Variants in FNDC3B observed in about 807,000 individuals in gnomAD.
FNDC3B encodes the protein fibronectin type III domain containing 3B.
FNDC3B carries 12 observed loss-of-function variants against 151.5 expected under a neutral mutation model. The observed-to-expected ratio is 0.08, with a 90% CI of 0.05 to 0.13. The LOEUF is 0.13. FNDC3B is among the 10% of genes least tolerant of loss of function. The probability of loss-of-function intolerance (pLI) is 1.00; values close to 1 mark genes in which losing one functional copy is unlikely to be tolerated. For missense variants in FNDC3B, 1,214 were observed against 1,505.3 expected, an observed-to-expected ratio of 0.81 and a Z score of 3.20; for synonymous variants, 528 against 549.0, an observed-to-expected ratio of 0.96 and a Z score of 0.54.
At chr3:172,382,475 G>A (rs1053406005) in intron 25 of FNDC3B, among the ~76,000 whole-genome samples, 1 of 152,150 alleles carries the variant, frequency 6.6e-6, no homozygotes, top group Non-Finnish European at 1.5e-5. Flanking sequence ...AGTTTAATTA[G>A]ATCCCATTTG....
chr3:172,347,393 A>C (rs1316278270), intron 21 of FNDC3B, 32 bp downstream of exon 21: 2 of 1,571,852 alleles, frequency 1.3e-6, no homozygotes, highest in Non-Finnish European at 1.7e-6. Context: ...GTTACTCACA[A>C]GGACTGCTGT....
At chr3:172,236,764 G>C (rs1024213380) in intron 4 of FNDC3B, among the ~76,000 whole-genome samples, 2 of 152,198 alleles carry the variant, frequency 1.3e-5, no homozygotes, top group Non-Finnish European at 2.9e-5. Flanking sequence ...GGGGTCTCCA[G>C]TTCATAAGAT....
chr3:172,161,467 C>G (rs1289278355), intron 3 of FNDC3B, among the ~76,000 whole-genome samples: 1 of 152,168 alleles, frequency 6.6e-6, no homozygotes, highest in Non-Finnish European at 1.5e-5. Flanking sequence ...TGGATTCTGG[C>G]CCAGCCTCTG....
At chr3:172,064,222 C>T (rs988620244) in intron 1 of FNDC3B, among the ~76,000 whole-genome samples, 1 of 152,116 alleles carries the variant, frequency 6.6e-6, no homozygotes, top group Non-Finnish European at 1.5e-5. Flanking sequence ...CAAGAAGGCA[C>T]CATCTGTGAA....
intron 23 of FNDC3B, among the ~76,000 whole-genome samples, chr3:172,372,618 C>A (rs1199327975): frequency 6.6e-6 from 1 of 152,142 alleles, no homozygotes; most frequent in African/African-American, 2.4e-5. Context: ...TGTAACAGAA[C>A]ATCACAGATT....
At chr3:172,281,286 C>T (rs1729710833) in intron 6 of FNDC3B, among the ~76,000 whole-genome samples, 1 of 150,918 alleles carries the variant, frequency 6.6e-6, no homozygotes, top group Non-Finnish European at 1.5e-5. Context: ...TGCTCTGTTG[C>T]CCAGGCTGGA....
At chr3:172,122,693 C>T (rs1002406927) in intron 2 of FNDC3B, among the ~76,000 whole-genome samples, 1 of 152,204 alleles carries the variant, frequency 6.6e-6, no homozygotes, top group Non-Finnish European at 1.5e-5. Context: ...ATTTGGCCCT[C>T]CCTTCCTGGG....
chr3:172,307,991 C>T (rs1731280056), intron 10 of FNDC3B, among the ~76,000 whole-genome samples: 3 of 152,136 alleles, frequency 2.0e-5, no homozygotes, highest in Admixed American at 6.5e-5. Context: ...TTTCAACAAA[C>T]ATTTGAGGAC....
At chr3:172,288,510 G>A in intron 7 of FNDC3B, among the ~76,000 whole-genome samples, 1 of 152,244 alleles carries the variant, frequency 6.6e-6, no homozygotes, top group East Asian at 1.9e-4. Flanking sequence ...GACGTAGTCA[G>A]TATAGCTGAA....
intron 1 of FNDC3B, among the ~76,000 whole-genome samples, chr3:172,103,076 T>C (rs1365999923): frequency 6.6e-6 from 1 of 152,158 alleles, no homozygotes; most frequent in African/African-American, 2.4e-5. Context: ...GGAATCTAAG[T>C]GTTCTAATAA....
intron 1 of FNDC3B, among the ~76,000 whole-genome samples, chr3:172,095,527 G>C (rs1421697048): frequency 6.6e-6 from 1 of 152,204 alleles, no homozygotes; most frequent in Non-Finnish European, 1.5e-5. Flanking sequence ...CTCATAGAGA[G>C]GGGTTTTGTT....
chr3:172,368,342 T>C (rs951181316), intron 23 of FNDC3B, among the ~76,000 whole-genome samples: 1 of 151,652 alleles, frequency 6.6e-6, no homozygotes, highest in Non-Finnish European at 1.5e-5. Flanking sequence ...AGCGTATGCC[T>C]ATTATAGAAC....
At chr3:172,168,299 C>T (rs1723106805) in intron 3 of FNDC3B, among the ~76,000 whole-genome samples, 1 of 152,188 alleles carries the variant, frequency 6.6e-6, no homozygotes, top group South Asian at 2.1e-4. Flanking sequence ...TCCTGCTCTC[C>T]TACTCATCTT....
rs1181665704 is a variant in FNDC3B at position 172,166,964 on chromosome 3, G to A, written c.187+33418G>A. On this transcript the variant is annotated intron_variant, in intron 3 of 25. Coordinates refer to ENST00000415807, the MANE Select transcript of FNDC3B (RefSeq NM_022763.4). ...AGCACATTTAGATAGTGAAGGAAAA[G>A]TGAAAAATGTTCTTTATGCCGTTTA... 2.6e-5 allele frequency among the ~76,000 whole-genome samples: 4 copies of A among 152,190 alleles called. No homozygotes were observed. In the East Asian group the frequency reaches 7.7e-4, roughly 29 times the overall value.
chr3:172,140,879 C>T (rs888748483), intron 3 of FNDC3B, among the ~76,000 whole-genome samples: 4 of 152,154 alleles, frequency 2.6e-5, no homozygotes, highest in Non-Finnish European at 4.4e-5. Flanking sequence ...TACATAAGAA[C>T]GGAATGTTAA....
chr3:172,245,303 A>G (rs1263988282), intron 4 of FNDC3B, among the ~76,000 whole-genome samples: 2 of 152,174 alleles, frequency 1.3e-5, no homozygotes, highest in African/African-American at 4.8e-5. Context: ...TTCTTGTTCT[A>G]CTTCATCAGT....
intron 3 of FNDC3B, among the ~76,000 whole-genome samples, chr3:172,181,226 C>G (rs1292953739): frequency 6.6e-6 from 1 of 151,128 alleles, no homozygotes; most frequent in Non-Finnish European, 1.5e-5. Flanking sequence ...ACGATGAAAC[C>G]CTGTCTCTAC....
chr3:172,353,649 G>A (rs544008432), intron 22 of FNDC3B, among the ~76,000 whole-genome samples: 10 of 152,264 alleles, frequency 6.6e-5, no homozygotes, highest in African/African-American at 2.4e-4. Flanking sequence ...CATCTTCCAC[G>A]TACCAGAAAG....
chr3:172,247,591 G>A lies in FNDC3B; in HGVS notation c.323G>A (p.Cys108Tyr). The change falls in exon 5 of 26, where the codon TGT becomes TAT. Residue 108 changes from cysteine (C) to tyrosine (Y), a missense_variant. Physicochemically the swap from Cys to Tyr is radical, Grantham distance 194 (BLOSUM62 -2). Around this residue, in one of 7 missense-constraint regions of FNDC3B, gnomAD observed 113 missense variants for 177.8 expected, o/e 0.64. Coordinates refer to ENST00000415807, the MANE Select transcript of FNDC3B (RefSeq NM_022763.4). The part of the protein sequence containing the change: ...RVVVTPQSPE[C>Y]YPPSYPSAMS... ...GTGGTCACACCCCAGTCTCCTGAGT[G>A]TTATCCCCCAAGCTACCCCTCAGCC... The A allele has an allele frequency of 2.5e-6, 4 of 1,614,048 alleles. No homozygotes were observed. The highest frequency in any genetic ancestry group is 2.5e-6 in the Non-Finnish European group (3 of 1,179,964).
Sources: allele counts gnomAD v4.1 joint callset (sites outside exome capture counted in the v4.1 genomes callset), GRCh38; gene constraint gnomAD v4.1.1; regional missense constraint gnomAD v4.1.1; transcripts MANE v1.5; gene names NCBI Gene and HGNC (gene_info 2026-07-23, HGNC 2026-07-21).